Variants in EYA4 observed in about 807,000 individuals in gnomAD.
EYA4 encodes EYA transcriptional coactivator and phosphatase 4, also known as protein phosphatase EYA4.
In EYA4, 31 loss-of-function variants were observed where a neutral mutation model predicts 87.9. The observed-to-expected ratio is 0.35, with a 90% CI of 0.27 to 0.48. The LOEUF (loss-of-function observed/expected upper bound fraction) is 0.48. EYA4 is among the 20% of genes least tolerant of loss of function. The pLI is 0.99. For synonymous variants in EYA4, 263 were observed against 270.6 expected, an observed-to-expected ratio of 0.97 and a Z score of 0.28; for missense variants, 678 against 761.4, an observed-to-expected ratio of 0.89 and a Z score of 1.29.
intron 2 of EYA4, among the ~76,000 whole-genome samples, chr6:133,279,564 G>T (rs549162224): frequency 6.6e-6 from 1 of 152,114 alleles, no homozygotes; most frequent in African/African-American, 2.4e-5. Context: ...GTTTCTACAT[G>T]CATTTGTAGA....
chr6:133,503,329 A>C (rs1241964657), intron 13 of EYA4, among the ~76,000 whole-genome samples: 1 of 152,248 alleles, frequency 6.6e-6, no homozygotes, highest in Non-Finnish European at 1.5e-5. Flanking sequence ...GAATGTGAAG[A>C]ATGAACATAA....
chr6:133,429,593 C>T (rs555058964), intron 3 of EYA4, among the ~76,000 whole-genome samples: 3 of 152,064 alleles, frequency 2.0e-5, no homozygotes, highest in African/African-American at 4.8e-5. Context: ...TTGAAAGAAA[C>T]GATAAAGATA....
At chr6:133,507,121 A>T (rs1453259477) in intron 14 of EYA4, 1 of 152,198 alleles carries the variant, frequency 6.6e-6, no homozygotes, top group Non-Finnish European at 1.5e-5. Flanking sequence ...CTTGTTCTAG[A>T]TATTTTATGT....
intron 3 of EYA4, among the ~76,000 whole-genome samples, chr6:133,411,271 C>T (rs11962647): frequency 0.055 from 8,304 of 152,106 alleles, 663 homozygotes; most frequent in African/African-American, 0.17. Context: ...ACTCCTTGTT[C>T]CCAGGCAGTG....
chr6:133,414,403 A>G (rs1789522943), intron 3 of EYA4, among the ~76,000 whole-genome samples: 2 of 152,328 alleles, frequency 1.3e-5, no homozygotes, highest in South Asian at 2.1e-4. Context: ...GCTTGCCGTT[A>G]TGATAGATTA....
At chr6:133,478,820 C>T (rs889234570) in intron 11 of EYA4, among the ~76,000 whole-genome samples, 1 of 152,180 alleles carries the variant, frequency 6.6e-6, no homozygotes, top group Non-Finnish European at 1.5e-5. Flanking sequence ...CTGCTCTTTT[C>T]ACCCCTTTGC....
chr6:133,461,079 A>G (rs561489062), intron 6 of EYA4, 35 bp from the exon 7 acceptor site: 2 of 1,463,946 alleles, frequency 1.4e-6, no homozygotes, highest in African/African-American at 2.8e-5. Flanking sequence ...TTTATGAAGC[A>G]ACCTTTGGTG....
At chr6:133,491,715 G>A (rs1797173049) in intron 13 of EYA4, among the ~76,000 whole-genome samples, 1 of 152,032 alleles carries the variant, frequency 6.6e-6, no homozygotes, top group African/African-American at 2.4e-5. Context: ...ACTTTGGGAG[G>A]CCGAGGTGGG....
At chr6:133,439,559 A>G (rs1174634163) in intron 3 of EYA4, 2 of 152,230 alleles carry the variant, frequency 1.3e-5, no homozygotes, top group African/African-American at 4.8e-5. Context: ...ACCGGAGTTT[A>G]TTTCCAGTTG....
At chr6:133,259,290 C>G (rs1775600155) in intron 1 of EYA4, among the ~76,000 whole-genome samples, 1 of 152,152 alleles carries the variant, frequency 6.6e-6, no homozygotes, top group African/African-American at 2.4e-5. Flanking sequence ...CAGCATACTC[C>G]TAATATCTAA....
At chr6:133,318,554 T>C (rs1201968000) in intron 2 of EYA4, among the ~76,000 whole-genome samples, 1 of 152,132 alleles carries the variant, frequency 6.6e-6, no homozygotes, top group Non-Finnish European at 1.5e-5. Flanking sequence ...TTATTCTGTT[T>C]CCAGATGCTC....
chr6:133,497,960 T>C (rs1797774621), intron 13 of EYA4, among the ~76,000 whole-genome samples: 1 of 152,190 alleles, frequency 6.6e-6, no homozygotes, highest in Non-Finnish European at 1.5e-5. Context: ...CAACATCTCA[T>C]ATTAACAGCA....
At chr6:133,495,019 A>G (rs1282146270) in intron 13 of EYA4, among the ~76,000 whole-genome samples, 1 of 152,170 alleles carries the variant, frequency 6.6e-6, no homozygotes, top group East Asian at 1.9e-4. Flanking sequence ...CTATAATCCC[A>G]GCACTTTGGG....
chr6:133,386,876 A>T (rs1269611525), intron 3 of EYA4, among the ~76,000 whole-genome samples: 1 of 152,202 alleles, frequency 6.6e-6, no homozygotes, highest in Admixed American at 6.5e-5. Context: ...ATAACAAAAG[A>T]TTCTGTGGAT....
chr6:133,325,164 C>T (rs1781405866), intron 2 of EYA4: 1 of 152,492 alleles, frequency 6.6e-6, no homozygotes, highest in Non-Finnish European at 1.5e-5. Context: ...CCCGCTTTTA[C>T]TTGAGCCACT....
chr6:133,522,197 A>G (rs1388039913), intron 17 of EYA4, among the ~76,000 whole-genome samples: 2 of 142,596 alleles, frequency 1.4e-5, no homozygotes, highest in Admixed American at 7.0e-5. Flanking sequence ...TTATACTTTA[A>G]GTTCTAGGGT....
At chr6:133,419,650 G>A (rs753263316) in intron 3 of EYA4, among the ~76,000 whole-genome samples, 8 of 152,188 alleles carry the variant, frequency 5.3e-5, no homozygotes, top group Non-Finnish European at 8.8e-5. Flanking sequence ...TTCACTCTAT[G>A]TGGACATCTC....
chr6:133,439,639 C>T lies in EYA4; in HGVS notation c.84-6991C>T, dbSNP rs1033883720. Among the ~76,000 whole-genome samples, 8 of 152,286 alleles carry T rather than the reference C, an allele frequency of 5.3e-5. No homozygotes were observed. In the South Asian group the frequency reaches 1.7e-3, roughly 32 times the overall value. On this transcript the variant is annotated intron_variant, in intron 3 of 19. Transcript: ENST00000355286. ...ACAATGTGCGACAGTACATGCAGAGCGTTGCCAATGGTGGATGCTCATCCA... is the reference window on the plus strand; with the variant it reads ...ACAATGTGCGACAGTACATGCAGAGTGTTGCCAATGGTGGATGCTCATCCA...
intron 3 of EYA4, among the ~76,000 whole-genome samples, chr6:133,398,587 T>G (rs965772259): frequency 3.9e-5 from 6 of 152,328 alleles, no homozygotes; most frequent in African/African-American, 1.4e-4. Context: ...TTAGAACTTC[T>G]AAGTGTGACA....
Sources: allele counts gnomAD v4.1 joint callset (sites outside exome capture counted in the v4.1 genomes callset), GRCh38; gene constraint gnomAD v4.1.1; transcripts MANE v1.5; gene names NCBI Gene and HGNC (gene_info 2026-07-23, HGNC 2026-07-21).